Variants in ZNF385D observed in about 807,000 individuals in gnomAD.
The protein encoded by ZNF385D is zinc finger protein 385D.
A neutral mutation model predicts 35.8 loss-of-function variants in ZNF385D; 15 were observed. The ratio of observed to expected loss-of-function variants is 0.42; its 90% CI spans 0.28 to 0.64. ZNF385D has a LOEUF of 0.64. Ranked by LOEUF, ZNF385D falls within the 30% of genes least tolerant of loss-of-function variation. The pLI is 0.23. For synonymous variants in ZNF385D, 212 were observed against 186.8 expected (o/e 1.13, Z -1.10); for missense variants, 474 against 494.6 (o/e 0.96, Z 0.39).
chr3:22,215,965 G>T (rs189439057), intron 2 of ZNF385D, among the ~76,000 whole-genome samples: 1 of 151,924 alleles, frequency 6.6e-6, no homozygotes, highest in Admixed American at 6.6e-5. Context: ...GGTGAATTTC[G>T]TCCAACATCT....
intron 3 of ZNF385D, among the ~76,000 whole-genome samples, chr3:21,880,355 G>T (rs920759836): frequency 1.3e-5 from 2 of 152,044 alleles, no homozygotes; most frequent in East Asian, 3.9e-4. Context: ...TGCTCACTTC[G>T]TGTTTCTGTC....
At chr3:21,425,363 G>A in intron 6 of ZNF385D, 129 bp downstream of exon 6, 1 of 909,060 alleles carries the variant, frequency 1.1e-6, no homozygotes, top group Non-Finnish European at 1.6e-6. Flanking sequence ...CAGATGGGCA[G>A]ATGGAGGGAT....
At chr3:21,908,142 CTA>C (rs1699784679) in intron 3 of ZNF385D, among the ~76,000 whole-genome samples, 1 of 149,246 alleles carries the variant, frequency 6.7e-6, no homozygotes, top group South Asian at 2.1e-4. Flanking sequence ...ATCTATCTAT[CTA>C]TCTATCTATC....
chr3:22,305,750 A>C (rs574340109), intron 2 of ZNF385D, among the ~76,000 whole-genome samples: 1 of 152,188 alleles, frequency 6.6e-6, no homozygotes, highest in Non-Finnish European at 1.5e-5. Context: ...TGTGCTCAGT[A>C]AAAGTAGAGA....
intron 3 of ZNF385D, among the ~76,000 whole-genome samples, chr3:22,050,856 A>C (rs1699308881): frequency 6.6e-6 from 1 of 152,132 alleles, no homozygotes; most frequent in African/African-American, 2.4e-5. Flanking sequence ...TCTGACCCTT[A>C]AAAATTCAAT....
chr3:21,982,314 G>A (rs1225883149), intron 3 of ZNF385D, among the ~76,000 whole-genome samples: 2 of 151,866 alleles, frequency 1.3e-5, no homozygotes, highest in Non-Finnish European at 2.9e-5. Flanking sequence ...GTATTTCTAG[G>A]TTTTCTAGGT....
chr3:22,264,348 C>A (rs1005925061), intron 2 of ZNF385D, among the ~76,000 whole-genome samples: 2 of 152,012 alleles, frequency 1.3e-5, no homozygotes, highest in African/African-American at 4.8e-5. Context: ...GGTCTTAGGG[C>A]AGAACGCCAA....
At chr3:21,986,638 T>C (rs1243887678) in intron 3 of ZNF385D, among the ~76,000 whole-genome samples, 1 of 147,134 alleles carries the variant, frequency 6.8e-6, no homozygotes, top group Non-Finnish European at 1.5e-5. Context: ...AAAAAATGTA[T>C]ATTCTGTTGA....
At chr3:22,097,984 A>G (rs1701719796) in intron 3 of ZNF385D, among the ~76,000 whole-genome samples, 1 of 152,012 alleles carries the variant, frequency 6.6e-6, no homozygotes, top group African/African-American at 2.4e-5. Flanking sequence ...AATGACGATT[A>G]AAAACTGTAA....
chr3:21,877,742 C>G (rs937586784), intron 3 of ZNF385D: 4 of 151,964 alleles, frequency 2.6e-5, no homozygotes, highest in African/African-American at 7.2e-5. Flanking sequence ...ATGGACGAAC[C>G]TAAGAAAATT....
At chr3:22,335,321 G>C (rs1465508318) in intron 2 of ZNF385D, among the ~76,000 whole-genome samples, 1 of 152,088 alleles carries the variant, frequency 6.6e-6, no homozygotes, top group East Asian at 1.9e-4. Context: ...GACAAGTCAT[G>C]AACATTGTGA....
intron 3 of ZNF385D, among the ~76,000 whole-genome samples, chr3:21,946,022 G>A (rs1701765061): frequency 1.3e-5 from 2 of 152,140 alleles, no homozygotes; most frequent in Admixed American, 1.3e-4. Flanking sequence ...AATGCAGTGT[G>A]CATATTCACA....
At chr3:21,881,145 T>C (rs1698256499) in intron 3 of ZNF385D, among the ~76,000 whole-genome samples, 1 of 151,818 alleles carries the variant, frequency 6.6e-6, no homozygotes, top group Admixed American at 6.6e-5. Context: ...CTAAGGTCAT[T>C]GATGAAGGAA....
chr3:21,484,057 T>A (rs1704847299), intron 4 of ZNF385D, among the ~76,000 whole-genome samples: 1 of 152,172 alleles, frequency 6.6e-6, no homozygotes, highest in South Asian at 2.1e-4. Context: ...TAATGACGAT[T>A]GTATAGTAAG....
At chr3:21,942,427 T>G (rs1701566917) in intron 3 of ZNF385D, 1 of 152,232 alleles carries the variant, frequency 6.6e-6, no homozygotes, top group East Asian at 1.9e-4. Flanking sequence ...GGACTCATCC[T>G]TCAGCTAATG....
chr3:21,688,392 TTA>T (rs1002176814), intron 1 of ZNF385D, among the ~76,000 whole-genome samples: 35 of 152,264 alleles, frequency 2.3e-4, no homozygotes, highest in South Asian at 4.1e-4. Flanking sequence ...TATAGCAATT[TTA>T]TAATTATAAA....
intron 2 of ZNF385D, among the ~76,000 whole-genome samples, chr3:22,291,109 A>G (rs1702280358): frequency 1.3e-5 from 2 of 152,228 alleles, no homozygotes; most frequent in Non-Finnish European, 2.9e-5. Flanking sequence ...TCATCATATG[A>G]AATGGGGAGG....
chr3:21,879,840 A>C (rs1698183974), intron 3 of ZNF385D, among the ~76,000 whole-genome samples: 2 of 152,098 alleles, frequency 1.3e-5, no homozygotes, highest in South Asian at 4.1e-4. Context: ...ATTACAATGA[A>C]TAGGAGAAAA....
At chr3:21,700,303 A>G (rs1161973247) in intron 1 of ZNF385D, among the ~76,000 whole-genome samples, 1 of 152,098 alleles carries the variant, frequency 6.6e-6, no homozygotes, top group Non-Finnish European at 1.5e-5. Flanking sequence ...CTAGGGGAAG[A>G]AGCACTCCAG....
Sources: allele counts gnomAD v4.1 joint callset (sites outside exome capture counted in the v4.1 genomes callset), GRCh38; gene constraint gnomAD v4.1.1; transcripts MANE v1.5; gene names NCBI Gene and HGNC (gene_info 2026-07-23, HGNC 2026-07-21).